PTH1R: variants seen among roughly 807,000 people sequenced by gnomAD.
The protein encoded by PTH1R is parathyroid hormone 1 receptor, also known as parathyroid hormone/parathyroid hormone-related peptide receptor.
PTH1R carries 32 observed loss-of-function variants against 70.7 expected under a neutral mutation model. That is an observed-to-expected ratio of 0.45 (90% CI 0.34 to 0.61). PTH1R has a LOEUF of 0.61. Ranked by LOEUF, PTH1R falls within the 20% of genes least tolerant of loss-of-function variation. PTH1R has a pLI of 0.01. For missense variants in PTH1R, 626 were observed against 792.5 expected, an observed-to-expected ratio of 0.79 and a Z score of 2.52; for synonymous variants, 329 against 324.8, an observed-to-expected ratio of 1.01 and a Z score of -0.14.
chr3:46,901,125 C>T lies in PTH1R; in HGVS notation c.1049+40C>T. 1.3e-6 allele frequency: 2 copies of T among 1,553,630 alleles called. No individual in the cohort carries two copies. The highest frequency in any genetic ancestry group is 1.7e-6 in the Non-Finnish European group (2 of 1,146,524). On this transcript the variant is annotated intron_variant, in intron 11 of 15. Coordinates refer to ENST00000449590, the MANE Select transcript of PTH1R (RefSeq NM_000316.3). This position sits in a 1 kb window ranked among gnomAD's most constrained non-coding sequence, Gnocchi z 7.3. The stretch of plus-strand genomic sequence containing the variant: ...AGAAGGGGCCCAGGCAAGAAGCACC[C>T]CTGGGTCCCTTTTCTTCCAGGAAGC...
rs192708555 is a variant in PTH1R, at chr3:46,903,714, G to A, written c.*58G>A. ...TGGATGGACAGATGGACCAAAAGAT[G>A]GGTGGTTGAATGATTTCCCACTCAG... On this transcript the variant is annotated 3_prime_UTR_variant, in exon 16 of 16. Coordinates refer to ENST00000449590, the MANE Select transcript of PTH1R (RefSeq NM_000316.3). The surrounding 1 kb of genome is among the most constrained non-coding windows in gnomAD (Gnocchi z 4.4). 10 of 1,599,544 alleles carry A rather than the reference G, an allele frequency of 6.3e-6. No individual in the cohort carries two copies. In the Admixed American group the frequency reaches 8.3e-5, roughly 13 times the overall value.
chr3:46,899,980 G>C (rs1048409432), intron 10 of PTH1R, among the ~76,000 whole-genome samples: 1 of 152,204 alleles, frequency 6.6e-6, no homozygotes, highest in Non-Finnish European at 1.5e-5. Flanking sequence ...CTGCAGAATG[G>C]GTTGCTGGAG....
Position 46,903,208 on chromosome 3 carries a change from CG to C in PTH1R, c.1396-59del. On this transcript the variant is annotated intron_variant, in intron 15 of 15. Transcript: ENST00000449590. This position sits in a 1 kb window ranked among gnomAD's most constrained non-coding sequence, Gnocchi z 4.4. ...CATTCCGTGCTGGGTGTCCAGGGGC[CG>C]GGATGGGGCATCGCTGGGGTTGGGA... is the stretch of plus-strand genomic sequence containing the variant. 1.2e-6 allele frequency: 2 copies of C among 1,601,184 alleles called. No homozygotes were observed. Among genetic ancestry groups the C allele is most frequent in the Non-Finnish European group, 1.7e-6 (2 of 1,175,540 alleles).
chr3:46,902,847 C>T lies in PTH1R; in HGVS notation c.1395+57C>T, dbSNP rs1024705820. ...GGTGGGGCAGATACCCCAGAGGCTT[C>T]CTCAAGGCTCATTTCTCCATTCTTC... is the stretch of plus-strand genomic sequence containing the variant. On this transcript the variant is annotated intron_variant, in intron 15 of 15. Coordinates refer to ENST00000449590, the MANE Select transcript of PTH1R (RefSeq NM_000316.3). The surrounding 1 kb of genome is among the most constrained non-coding windows in gnomAD (Gnocchi z 5.4). 1.3e-6 allele frequency: 2 copies of T among 1,599,214 alleles called. No homozygotes were observed. Among genetic ancestry groups the T allele is most frequent in the Non-Finnish European group, 1.7e-6 (2 of 1,168,232 alleles).
In PTH1R at chr3:46,893,954, G is replaced by A. The variant is rs1378624313; in HGVS notation, c.123G>A (p.Leu41=). ...VMTKEEQIFL[L]HRAQAQCEKR... is the part of the protein sequence containing the mutation. Reference sequence around the variant, plus strand: ...CTAAAGAGGAACAGATCTTCCTGCTGCACCGTGCTCAGGCCCAGTGCGAAA... The same window carrying A: ...CTAAAGAGGAACAGATCTTCCTGCTACACCGTGCTCAGGCCCAGTGCGAAA... The change falls in exon 4 of 16, where the codon CTG becomes CTA. Residue 41 remains leucine (L), a synonymous_variant. Transcript: ENST00000449590. This position sits in a 1 kb window ranked among gnomAD's most constrained non-coding sequence, Gnocchi z 5.2. 1 of 1,614,070 alleles carries A rather than the reference G, an allele frequency of 6.2e-7. No homozygotes were observed. The highest frequency in any genetic ancestry group is 1.3e-5 in the African/African-American group (1 of 74,936).
chr3:46,894,271 G>A (rs553261659), intron 4 of PTH1R, among the ~76,000 whole-genome samples: 1 of 152,248 alleles, frequency 6.6e-6, no homozygotes, highest in South Asian at 2.1e-4. Flanking sequence ...ATAGCTGTCG[G>A]GTTAATCTCA....
intron 4 of PTH1R, among the ~76,000 whole-genome samples, chr3:46,895,088 C>A (rs796303102): frequency 0.046 from 3,749 of 80,700 alleles, 122 homozygotes; most frequent in Non-Finnish European, 0.08. Flanking sequence ...AAAAAACAAA[C>A]AAACAAAAAA....
At position 46,893,064 on chromosome 3, in the gene PTH1R, C is replaced by A. The variant is rs1358708171; in HGVS notation, c.76-843C>A. Reference sequence around the variant, plus strand: ...CACCTGCTCTGGGTGAGCCTCCACCCGCATGATATTTCATTTCCTTTCTTA... The same window carrying A: ...CACCTGCTCTGGGTGAGCCTCCACCAGCATGATATTTCATTTCCTTTCTTA... On this transcript the variant is annotated intron_variant, in intron 3 of 15. Transcript: ENST00000449590. The surrounding 1 kb of genome is among the most constrained non-coding windows in gnomAD (Gnocchi z 5.2). Among the ~76,000 whole-genome samples, 5 of 152,190 alleles carry A rather than the reference C, an allele frequency of 3.3e-5. No individual in the cohort carries two copies. Among genetic ancestry groups the A allele is most frequent in the Non-Finnish European group, 5.9e-5 (4 of 68,032 alleles).
At chr3:46,886,882 G>T (rs1336443011) in intron 3 of PTH1R, among the ~76,000 whole-genome samples, 1 of 152,164 alleles carries the variant, frequency 6.6e-6, no homozygotes, top group Non-Finnish European at 1.5e-5. Context: ...AAAGCAGCAC[G>T]AGATTTGCTG....
intron 6 of PTH1R, 48 bp downstream of exon 6, chr3:46,898,013 G>A (rs770744660): frequency 4.3e-6 from 7 of 1,613,160 alleles, no homozygotes; most frequent in African/African-American, 1.3e-5. Flanking sequence ...CTGAGACTTG[G>A]AGCTAGGGGT....
intron 2 of PTH1R, among the ~76,000 whole-genome samples, chr3:46,881,888 C>T (rs561272770): frequency 6.6e-6 from 1 of 152,062 alleles, no homozygotes; most frequent in East Asian, 2.0e-4. Flanking sequence ...GGGATTCGCC[C>T]ATGATGAAAG....
intron 4 of PTH1R, among the ~76,000 whole-genome samples, chr3:46,895,369 G>A (rs951429463): frequency 6.6e-6 from 1 of 152,112 alleles, no homozygotes; most frequent in Non-Finnish European, 1.5e-5. Flanking sequence ...TTCACCGTGC[G>A]CCCCCTGGTG....
rs1575523184 is a variant in PTH1R at position 46,899,588 on chromosome 3, C to A, written c.988+132C>A. ...AGTGGAACAGCAGGAGAGAGGCCTG[C>A]CGCCCTTCTGTGATCCTGACCCTAT... On this transcript the variant is annotated intron_variant, in intron 10 of 15. Coordinates refer to ENST00000449590, the MANE Select transcript of PTH1R (RefSeq NM_000316.3). 7.4e-6 allele frequency: 9 copies of A among 1,213,872 alleles called. No individual in the cohort carries two copies. The East Asian group carries it at 1.5e-4, about 20-fold the overall frequency. 75.2% of individuals were successfully genotyped at this position (1,213,872 alleles called of 1,614,324 possible).
At chr3:46,888,817 C>T (rs938712480) in intron 3 of PTH1R, among the ~76,000 whole-genome samples, 31 of 152,350 alleles carry the variant, frequency 2.0e-4, no homozygotes, top group African/African-American at 6.7e-4. Flanking sequence ...CAGCCAACTC[C>T]GCTATCCCAG....
In PTH1R at chr3:46,901,727, A is replaced by G. The variant is rs768214688; in HGVS notation, c.1117-39A>G. The G allele has an allele frequency of 1.1e-5, 18 of 1,587,042 alleles. No individual in the cohort carries two copies. The highest frequency in any genetic ancestry group is 1.2e-5 in the Non-Finnish European group (14 of 1,155,736). On this transcript the variant is annotated intron_variant, in intron 12 of 15. Transcript: ENST00000449590. This position sits in a 1 kb window ranked among gnomAD's most constrained non-coding sequence, Gnocchi z 7.3. The stretch of plus-strand genomic sequence containing the variant: ...CTGCCAGGCCTTGCCCCGCCCCACT[A>G]GGGTGCAGCCTCCAGACGCAGCCCC...
intron 4 of PTH1R, among the ~76,000 whole-genome samples, chr3:46,894,768 G>A (rs926275752): frequency 6.6e-6 from 1 of 152,006 alleles, no homozygotes; most frequent in Non-Finnish European, 1.5e-5. Flanking sequence ...CCACAGACCC[G>A]ACATGTAAGG....
Position 46,900,083 on chromosome 3 carries a change from C to T in PTH1R, c.988+627C>T, listed in dbSNP as rs189609491. Among the ~76,000 whole-genome samples, 560 of 152,326 alleles carry T rather than the reference C, an allele frequency of 3.7e-3. 5 individuals are homozygous for T. Among genetic ancestry groups the T allele is most frequent in the Middle Eastern group, 0.01 (3 of 294 alleles). On this transcript the variant is annotated intron_variant, in intron 10 of 15. Transcript: ENST00000449590. ...GCAGCTGCAGAGCTTGGCTGGGCTC[C>T]GGGACAACTGGCCAGACTGCAGAGG...
chr3:46,879,371 T>G lies in PTH1R; in HGVS notation c.-106+1528T>G, dbSNP rs555321547. 6.6e-6 allele frequency among the ~76,000 whole-genome samples: 1 copy of G among 152,320 alleles called. No homozygotes were observed. Among genetic ancestry groups the G allele is most frequent in the South Asian group, 2.1e-4 (1 of 4,822 alleles). On this transcript the variant is annotated intron_variant, in intron 1 of 15. Coordinates refer to ENST00000449590, the MANE Select transcript of PTH1R (RefSeq NM_000316.3). The surrounding 1 kb of genome is among the most constrained non-coding windows in gnomAD (Gnocchi z 4.7). Reference sequence around the variant, plus strand: ...AGTCCTTCCAATCCCTCCATTAATGTTCTTTTCTCATCACCAAGGGGGAAA... The same window carrying G: ...AGTCCTTCCAATCCCTCCATTAATGGTCTTTTCTCATCACCAAGGGGGAAA...
chr3:46,888,871 C>T (rs999299734), intron 3 of PTH1R, among the ~76,000 whole-genome samples: 1 of 152,240 alleles, frequency 6.6e-6, no homozygotes, highest in African/African-American at 2.4e-5. Flanking sequence ...CGCTGGCTGG[C>T]CAGGATGAGA....
Sources: allele counts gnomAD v4.1 joint callset (sites outside exome capture counted in the v4.1 genomes callset), GRCh38; gene constraint gnomAD v4.1.1; non-coding constraint Gnocchi (gnomAD v3.1); transcripts MANE v1.5; gene names NCBI Gene and HGNC (gene_info 2026-07-23, HGNC 2026-07-21).